HMBOX1: variants seen among roughly 807,000 people sequenced by gnomAD.
HMBOX1 encodes homeobox-containing protein 1.
A neutral mutation model predicts 54.5 loss-of-function variants in HMBOX1; 14 were observed. That is an observed-to-expected ratio of 0.26 (90% CI 0.17 to 0.40). HMBOX1 has a LOEUF of 0.40. Ranked by LOEUF, HMBOX1 falls within the 10% of genes least tolerant of loss-of-function variation. The pLI is 1.00. For missense variants in HMBOX1, 332 were observed against 514.4 expected, an observed-to-expected ratio of 0.65 and a Z score of 3.43; for synonymous variants, 160 against 181.0, an observed-to-expected ratio of 0.88 and a Z score of 0.93.
chr8:28,904,464 C>T, intron 1 of HMBOX1, among the ~76,000 whole-genome samples: 1 of 152,136 alleles, frequency 6.6e-6, no homozygotes, highest in East Asian at 1.9e-4. Context: ...ATCTCTTGAC[C>T]TTGTGATCCG....
intron 6 of HMBOX1, among the ~76,000 whole-genome samples, chr8:29,026,811 G>C (rs955612203): frequency 2.0e-5 from 3 of 152,120 alleles, no homozygotes; most frequent in African/African-American, 7.2e-5. Flanking sequence ...TTAATTTGTG[G>C]ACTTGGGCTT....
At chr8:28,940,567 C>G (rs760007538) in intron 1 of HMBOX1, among the ~76,000 whole-genome samples, 5 of 152,176 alleles carry the variant, frequency 3.3e-5, no homozygotes, top group Admixed American at 6.5e-5. Context: ...TTCCTAATGA[C>G]TAAAATAGTT....
At chr8:29,008,990 C>A in intron 4 of HMBOX1, 82 bp from the exon 5 acceptor site, 2 of 1,052,164 alleles carry the variant, frequency 1.9e-6, no homozygotes, top group Non-Finnish European at 2.9e-6. Flanking sequence ...ATAAAGCACC[C>A]AGTAACCTAG....
At chr8:28,942,360 C>G (rs908681200) in intron 1 of HMBOX1, among the ~76,000 whole-genome samples, 2 of 152,156 alleles carry the variant, frequency 1.3e-5, no homozygotes, top group Admixed American at 1.3e-4. Context: ...ATTTCTTAGT[C>G]ATATTTGGAA....
chr8:28,975,340 GA>G lies in HMBOX1; in HGVS notation c.501-4730del, dbSNP rs532837990. 4.3e-4 allele frequency among the ~76,000 whole-genome samples: 65 copies of G among 152,312 alleles called. No individual in the cohort carries two copies. The South Asian group carries it at 0.013, about 30-fold the overall frequency. On this transcript the variant is annotated intron_variant, in intron 3 of 9. Transcript: ENST00000287701. ...ATGTTAAAGTTAGCCATTGCAAGAA[GA>G]GACCTTTTTTAGCTTTGAAGATCAG...
At chr8:29,034,555 G>C (rs987395932) in intron 6 of HMBOX1, among the ~76,000 whole-genome samples, 2 of 152,138 alleles carry the variant, frequency 1.3e-5, no homozygotes, top group Admixed American at 6.5e-5. Flanking sequence ...AATTAATTTG[G>C]CTTTTCAAGA....
In HMBOX1 at chr8:28,970,031, C is replaced by A. The variant is rs371214546; in HGVS notation, c.24-12C>A. On this transcript the variant is annotated splice_polypyrimidine_tract_variant and intron_variant, in intron 2 of 9. Coordinates refer to ENST00000287701, the MANE Select transcript of HMBOX1 (RefSeq NM_001135726.3). This position sits in a 1 kb window ranked among gnomAD's most constrained non-coding sequence, Gnocchi z 4.3. ...TCAATAAAGAGACTTCTTTTTATCTCTTTTTTTTTAGTTTGCTGGAAACCA... is the reference window on the plus strand; with the variant it reads ...TCAATAAAGAGACTTCTTTTTATCTATTTTTTTTTAGTTTGCTGGAAACCA... 36 of 1,495,084 alleles carry A rather than the reference C, an allele frequency of 2.4e-5. No homozygotes were observed. Among genetic ancestry groups the A allele is most frequent in the Non-Finnish European group, 3.1e-5 (34 of 1,083,306 alleles). 92.6% of individuals were successfully genotyped at this position (1,495,084 alleles called of 1,614,324 possible).
intron 1 of HMBOX1, among the ~76,000 whole-genome samples, chr8:28,905,091 A>G (rs1380189034): frequency 6.6e-6 from 1 of 152,214 alleles, no homozygotes; most frequent in Non-Finnish European, 1.5e-5. Context: ...CACACAGTGG[A>G]GTGTTTGAAA....
chr8:28,923,947 T>C (rs1417840642), intron 1 of HMBOX1, among the ~76,000 whole-genome samples: 1 of 152,226 alleles, frequency 6.6e-6, no homozygotes, highest in African/African-American at 2.4e-5. Context: ...TTTGCCCATT[T>C]TTTAATTAGG....
chr8:29,014,882 G>A (rs1834771791), intron 5 of HMBOX1, among the ~76,000 whole-genome samples: 1 of 152,120 alleles, frequency 6.6e-6, no homozygotes, highest in African/African-American at 2.4e-5. Flanking sequence ...GTTTCACCAT[G>A]TTGGTCAGGC....
intron 5 of HMBOX1, chr8:29,009,760 G>A: frequency 7.8e-7 from 1 of 1,278,638 alleles, no homozygotes; most frequent in Non-Finnish European, 1.0e-6. Flanking sequence ...AAACTAAGAT[G>A]ACAAAAAAAT....
intron 1 of HMBOX1, among the ~76,000 whole-genome samples, chr8:28,960,703 A>G (rs559623047): frequency 8.1e-6 from 1 of 123,018 alleles, no homozygotes; most frequent in South Asian, 2.6e-4. Flanking sequence ...TAACTCTTAT[A>G]TCTTGGTCAT....
In HMBOX1 at chr8:28,923,831, T is replaced by G. The variant is rs147791950; in HGVS notation, c.-58+33153T>G. 3.6e-3 allele frequency among the ~76,000 whole-genome samples: 544 copies of G among 152,320 alleles called. 4 individuals are homozygous for G. The highest frequency in any genetic ancestry group is 0.012 in the African/African-American group (488 of 41,564). ...ATCGTAGTGTGAAGTGGTATCTCAT[T>G]GAGGTTTTGATTTGTATTTCTCTAA... On this transcript the variant is annotated intron_variant, in intron 1 of 9. Coordinates refer to ENST00000287701, the MANE Select transcript of HMBOX1 (RefSeq NM_001135726.3).
At chr8:29,030,240 G>A (rs1258318979) in intron 6 of HMBOX1, among the ~76,000 whole-genome samples, 2 of 147,504 alleles carry the variant, frequency 1.4e-5, no homozygotes, top group Non-Finnish European at 3.0e-5. Flanking sequence ...TTTTTGAGAC[G>A]GAGTTTTGCT....
chr8:29,002,713 T>TA (rs1442251002), intron 4 of HMBOX1, among the ~76,000 whole-genome samples: 2 of 152,086 alleles, frequency 1.3e-5, no homozygotes, highest in East Asian at 1.9e-4. Flanking sequence ...CACTCCAGTT[T>TA]AAAAAAAATC....
chr8:28,993,758 T>C (rs1444783555), intron 4 of HMBOX1, among the ~76,000 whole-genome samples: 1 of 152,254 alleles, frequency 6.6e-6, no homozygotes, highest in African/African-American at 2.4e-5. Context: ...AGTTTGTTCA[T>C]TGTGCTCTCT....
rs147444329 is a variant in HMBOX1, at chr8:29,044,310, C to G, written c.852-1051C>G. On this transcript the variant is annotated intron_variant, in intron 6 of 9. Transcript: ENST00000287701. ...GTAGGTGCTAGAATTTGACAGGGGCCCATTTCCTGATTGGAAGTTTCCAAG... is the reference window on the plus strand; with the variant it reads ...GTAGGTGCTAGAATTTGACAGGGGCGCATTTCCTGATTGGAAGTTTCCAAG... Among the ~76,000 whole-genome samples the G allele has an allele frequency of 2.7e-4, 41 of 152,204 alleles. No individual in the cohort carries two copies. The East Asian group carries it at 7.7e-3, about 29-fold the overall frequency.
chr8:29,013,606 T>C (rs1834518067), intron 5 of HMBOX1, among the ~76,000 whole-genome samples: 1 of 152,204 alleles, frequency 6.6e-6, no homozygotes, highest in Non-Finnish European at 1.5e-5. Context: ...AGACTCATCA[T>C]CAGAATTTAC....
chr8:29,046,203 C>G (rs929730548), intron 7 of HMBOX1: 1 of 152,206 alleles, frequency 6.6e-6, no homozygotes, highest in African/African-American at 2.4e-5. Context: ...AGCCAGACTT[C>G]TAGCAATGTA....
Sources: allele counts gnomAD v4.1 joint callset (sites outside exome capture counted in the v4.1 genomes callset), GRCh38; gene constraint gnomAD v4.1.1; non-coding constraint Gnocchi (gnomAD v3.1); transcripts MANE v1.5; gene names NCBI Gene and HGNC (gene_info 2026-07-23, HGNC 2026-07-21).